WDPCP: variants seen among roughly 807,000 people sequenced by gnomAD.
WDPCP encodes WD repeat containing planar cell polarity effector, also known as WD repeat-containing and planar cell polarity effector protein fritz homolog.
WDPCP carries 71 observed loss-of-function variants against 93.1 expected under a neutral mutation model. The observed-to-expected ratio is 0.76, with a 90% CI of 0.63 to 0.93. WDPCP has a LOEUF of 0.93. Among genes scored for constraint, WDPCP ranks in the 40% least tolerant of loss-of-function variants. The probability of loss-of-function intolerance (pLI) is 0.00; values close to 1 mark genes in which losing one functional copy is unlikely to be tolerated. For missense variants in WDPCP, 844 were observed against 887.4 expected, an observed-to-expected ratio of 0.95 and a Z score of 0.62; for synonymous variants, 315 against 315.0, an observed-to-expected ratio of 1.00 and a Z score of 0.00.
intron 1 of WDPCP, among the ~76,000 whole-genome samples, chr2:63,825,216 A>T (rs770528107): frequency 1.3e-5 from 2 of 152,172 alleles, no homozygotes; most frequent in Non-Finnish European, 2.9e-5. Context: ...ACATATCCTC[A>T]GAATCAGGAG....
intron 3 of WDPCP, chr2:63,599,890 TAAC>T (rs1410729397): frequency 1.3e-5 from 2 of 152,210 alleles, no homozygotes; most frequent in Non-Finnish European, 2.9e-5. Context: ...ACCAGGGAAT[TAAC>T]AATAGCTTTT....
At chr2:63,427,311 A>G (rs974372585) in intron 9 of WDPCP, among the ~76,000 whole-genome samples, 1 of 152,212 alleles carries the variant, frequency 6.6e-6, no homozygotes, top group South Asian at 2.1e-4. Flanking sequence ...CAAGGGACAC[A>G]CTGAAAAACT....
intron 2 of WDPCP, among the ~76,000 whole-genome samples, chr2:63,689,018 C>T (rs1668853455): frequency 6.6e-6 from 1 of 152,066 alleles, no homozygotes; most frequent in Non-Finnish European, 1.5e-5. Context: ...GGGATGAAGG[C>T]CATGTTCTTG....
intron 1 of WDPCP, among the ~76,000 whole-genome samples, chr2:63,820,599 C>A (rs986750536): frequency 6.6e-6 from 1 of 152,198 alleles, no homozygotes; most frequent in African/African-American, 2.4e-5. Context: ...AAAGTTCAGT[C>A]TGAACCTTGA....
At chr2:63,756,999 T>C (rs1333828150) in intron 2 of WDPCP, among the ~76,000 whole-genome samples, 3 of 152,218 alleles carry the variant, frequency 2.0e-5, no homozygotes, top group Non-Finnish European at 2.9e-5. Context: ...TGGTTGGTTA[T>C]ACATGTGTAG....
chr2:63,551,357 T>TG (rs1048719112), intron 1 of WDPCP, among the ~76,000 whole-genome samples: 4 of 152,286 alleles, frequency 2.6e-5, no homozygotes, highest in African/African-American at 9.6e-5. Flanking sequence ...GTTTGGGTCA[T>TG]GGGGGCAGAT....
At chr2:63,128,616 G>A (rs1272707413) in intron 17 of WDPCP, among the ~76,000 whole-genome samples, 2 of 152,134 alleles carry the variant, frequency 1.3e-5, no homozygotes, top group Non-Finnish European at 2.9e-5. Context: ...CTGAAATTCT[G>A]TACTCAATAA....
chr2:63,204,865 A>G (rs1676212710), intron 14 of WDPCP, among the ~76,000 whole-genome samples: 1 of 151,948 alleles, frequency 6.6e-6, no homozygotes, highest in African/African-American at 2.4e-5. Context: ...ATATGATCCC[A>G]TTTGTCCATT....
At chr2:63,476,856 G>T (rs1700002941) in intron 6 of WDPCP, among the ~76,000 whole-genome samples, 1 of 152,090 alleles carries the variant, frequency 6.6e-6, no homozygotes, top group Non-Finnish European at 1.5e-5. Context: ...GTTTCATAAG[G>T]TCACAATTTA....
chr2:63,144,629 C>T (rs1311440358), intron 17 of WDPCP, among the ~76,000 whole-genome samples: 1 of 152,150 alleles, frequency 6.6e-6, no homozygotes, highest in Non-Finnish European at 1.5e-5. Context: ...TATCTATTTC[C>T]TTGAATATTT....
chr2:63,390,888 G>A (rs1693180774), intron 10 of WDPCP, among the ~76,000 whole-genome samples: 1 of 152,154 alleles, frequency 6.6e-6, no homozygotes, highest in African/African-American at 2.4e-5. Context: ...TGAAGTTGAG[G>A]CAATAATTAA....
At chr2:63,837,559 G>A in the WDPCP span, among the ~76,000 whole-genome samples, 1 of 152,118 alleles carries the variant, frequency 6.6e-6, no homozygotes, top group Non-Finnish European at 1.5e-5. Context: ...GTAGAGGATA[G>A]GCAAGAAAAA....
chr2:63,603,825 C>T (rs1431019265), intron 3 of WDPCP, among the ~76,000 whole-genome samples: 1 of 151,966 alleles, frequency 6.6e-6, no homozygotes, highest in Non-Finnish European at 1.5e-5. Flanking sequence ...GCCCGGCTAA[C>T]TTTGTATTTT....
intron 2 of WDPCP, among the ~76,000 whole-genome samples, chr2:63,788,423 T>C (rs1431962935): frequency 6.6e-6 from 1 of 152,216 alleles, no homozygotes; most frequent in Non-Finnish European, 1.5e-5. Context: ...GAGAAACATA[T>C]GGTTCAGTAC....
intron 1 of WDPCP, among the ~76,000 whole-genome samples, chr2:63,577,796 T>C (rs539989859): frequency 2.3e-4 from 35 of 152,320 alleles, no homozygotes; most frequent in African/African-American, 6.5e-4. Flanking sequence ...ATCCCAATCA[T>C]AGACTATGTT....
At chr2:63,562,407 T>A (rs919916051) in intron 1 of WDPCP, among the ~76,000 whole-genome samples, 1 of 152,120 alleles carries the variant, frequency 6.6e-6, no homozygotes, top group Non-Finnish European at 1.5e-5. Flanking sequence ...CCAGGATAAA[T>A]AACTAATGCA....
chr2:63,391,094 G>C (rs1693199719), intron 10 of WDPCP, among the ~76,000 whole-genome samples: 1 of 152,070 alleles, frequency 6.6e-6, no homozygotes, highest in South Asian at 2.1e-4. Context: ...ACAAAAAAGA[G>C]AATTTTAGAC....
chr2:63,716,236 T>C (rs1450556461), intron 2 of WDPCP, among the ~76,000 whole-genome samples: 2 of 152,164 alleles, frequency 1.3e-5, no homozygotes, highest in Non-Finnish European at 2.9e-5. Flanking sequence ...TTCTAGTAAC[T>C]TAATAGACCT....
intron 2 of WDPCP, among the ~76,000 whole-genome samples, chr2:63,683,828 G>A (rs1221400011): frequency 6.7e-6 from 1 of 149,710 alleles, no homozygotes; most frequent in Non-Finnish European, 1.5e-5. Context: ...CAGCCTGGGT[G>A]ACAGAGTGAG....
Sources: allele counts gnomAD v4.1 joint callset (sites outside exome capture counted in the v4.1 genomes callset), GRCh38; gene constraint gnomAD v4.1.1; transcripts MANE v1.5; gene names NCBI Gene and HGNC (gene_info 2026-07-23, HGNC 2026-07-21).